The following GPC6 variants were observed in gnomAD, a reference collection of about 807,000 sequenced individuals.
The protein encoded by GPC6 is glypican 6.
Under a neutral mutation model 55.2 loss-of-function variants are expected in GPC6, and 14 were observed. That is an observed-to-expected ratio of 0.25 (90% CI 0.17 to 0.40). GPC6 has a LOEUF of 0.40. Ranked by LOEUF, GPC6 falls within the 10% of genes least tolerant of loss-of-function variation. The pLI is 1.00. For synonymous variants in GPC6, 278 were observed against 259.6 expected, an observed-to-expected ratio of 1.07 and a Z score of -0.68; for missense variants, 641 against 708.5, an observed-to-expected ratio of 0.90 and a Z score of 1.08.
intron 2 of GPC6, among the ~76,000 whole-genome samples, chr13:93,648,816 A>G: frequency 6.6e-6 from 1 of 152,202 alleles, no homozygotes; most frequent in East Asian, 1.9e-4. Context: ...AAATTAATGT[A>G]GTGACATCAC....
chr13:94,017,945 A>G (rs965469762), intron 3 of GPC6, among the ~76,000 whole-genome samples: 25 of 152,154 alleles, frequency 1.6e-4, no homozygotes, highest in African/African-American at 5.5e-4. Flanking sequence ...CAAAGTGGCT[A>G]CAATTTTCAA....
chr13:93,416,318 G>A (rs4773746), intron 1 of GPC6, among the ~76,000 whole-genome samples: 20,926 of 152,070 alleles, frequency 0.14, 2,102 homozygotes, highest in East Asian at 0.47. Flanking sequence ...AGAGCTGGTA[G>A]AGCTTTACTT....
chr13:93,743,249 A>C (rs1036441208), intron 2 of GPC6, among the ~76,000 whole-genome samples: 7 of 152,194 alleles, frequency 4.6e-5, no homozygotes, highest in Non-Finnish European at 1.5e-5. Flanking sequence ...ATCACAGACC[A>C]TGGGGTAGAG....
At chr13:93,561,399 C>T (rs900792792) in intron 2 of GPC6, among the ~76,000 whole-genome samples, 1 of 67,012 alleles carries the variant, frequency 1.5e-5, no homozygotes, top group African/African-American at 7.6e-5. Context: ...TACTATATCC[C>T]TATCGATATA....
intron 6 of GPC6, among the ~76,000 whole-genome samples, chr13:94,351,979 A>AAAAAAG (rs1878570131): frequency 7.0e-6 from 1 of 142,862 alleles, no homozygotes; most frequent in African/African-American, 2.7e-5. Flanking sequence ...AAAAAAAAAA[A>AAAAAAG]AAAGAAAAAG....
intron 1 of GPC6, among the ~76,000 whole-genome samples, chr13:93,471,055 C>T (rs1046753926): frequency 3.9e-5 from 6 of 151,994 alleles, no homozygotes; most frequent in African/African-American, 1.2e-4. Context: ...TTTTAAAAAT[C>T]AGTTTTTGTT....
rs142454800 is a variant in GPC6, at chr13:93,415,276, A to G, written c.161-129987A>G. On this transcript the variant is annotated intron_variant, in intron 1 of 8. Coordinates refer to ENST00000377047, the MANE Select transcript of GPC6 (RefSeq NM_005708.5). The stretch of plus-strand genomic sequence containing the variant: ...AGTTCCTGGAACATAGGACATAAAT[A>G]TATATCCTATTCATATATATATAAC... Among the ~76,000 whole-genome samples the G allele has an allele frequency of 2.2e-3, 329 of 152,262 alleles. 1 individual carries two copies. Among genetic ancestry groups the G allele is most frequent in the African/African-American group, 7.2e-3 (298 of 41,564 alleles).
At chr13:93,693,461 C>CTGTGTGTGTGTGTGTGTG (rs35459356) in intron 2 of GPC6, among the ~76,000 whole-genome samples, 106 of 139,428 alleles carry the variant, frequency 7.6e-4, no homozygotes, top group African/African-American at 1.3e-3. Context: ...GTATGTATAT[C>CTGTGTGTGTGTGTGTGTG]TGTGTGTGTG....
At chr13:93,496,310 C>G (rs1046633072) in intron 1 of GPC6, among the ~76,000 whole-genome samples, 13 of 152,208 alleles carry the variant, frequency 8.5e-5, no homozygotes, top group African/African-American at 3.1e-4. Context: ...TCACCCCTTT[C>G]TTTGACTCGG....
chr13:94,070,206 C>A (rs567399048), intron 4 of GPC6, among the ~76,000 whole-genome samples: 6 of 151,622 alleles, frequency 4.0e-5, no homozygotes, highest in Non-Finnish European at 7.4e-5. Context: ...TAGGGAAACT[C>A]CAGTTTTTGA....
chr13:94,026,888 G>A (rs1486485820), intron 3 of GPC6, among the ~76,000 whole-genome samples: 3 of 152,142 alleles, frequency 2.0e-5, no homozygotes, highest in Non-Finnish European at 2.9e-5. Context: ...AGAATAGCAG[G>A]ATGAGAGTAA....
intron 4 of GPC6, among the ~76,000 whole-genome samples, chr13:94,113,294 C>T (rs1399594783): frequency 3.3e-5 from 5 of 152,040 alleles, no homozygotes; most frequent in Admixed American, 2.6e-4. Flanking sequence ...TTGTGAGCTG[C>T]TGAGTCTTGA....
At chr13:93,839,889 T>C (rs1035374386) in intron 3 of GPC6, among the ~76,000 whole-genome samples, 2 of 152,212 alleles carry the variant, frequency 1.3e-5, no homozygotes, top group Non-Finnish European at 2.9e-5. Context: ...TTAAGGATTT[T>C]AGCATCTATA....
chr13:93,666,254 C>G (rs1042598660), intron 2 of GPC6, among the ~76,000 whole-genome samples: 1 of 151,986 alleles, frequency 6.6e-6, no homozygotes, highest in African/African-American at 2.4e-5. Flanking sequence ...CCTAAAGATT[C>G]TTGCCACAAA....
At chr13:94,312,879 G>A (rs562692139) in intron 6 of GPC6, among the ~76,000 whole-genome samples, 22 of 152,312 alleles carry the variant, frequency 1.4e-4, no homozygotes, top group East Asian at 3.9e-4. Flanking sequence ...AGCCTCCGCT[G>A]CAGCTGAATA....
At chr13:93,758,448 G>A (rs1041185943) in intron 2 of GPC6, among the ~76,000 whole-genome samples, 1 of 151,952 alleles carries the variant, frequency 6.6e-6, no homozygotes, top group African/African-American at 2.4e-5. Flanking sequence ...CTCTGTCTCT[G>A]GGATATCTAT....
intron 3 of GPC6, among the ~76,000 whole-genome samples, chr13:93,867,043 G>A (rs1888986013): frequency 6.6e-6 from 1 of 151,570 alleles, no homozygotes; most frequent in Non-Finnish European, 1.5e-5. Context: ...GCTTGTCCAG[G>A]GTTAGTGGTT....
intron 1 of GPC6, among the ~76,000 whole-genome samples, chr13:93,315,544 AT>A (rs1238482324): frequency 4.6e-5 from 7 of 151,978 alleles, no homozygotes; most frequent in South Asian, 4.2e-4. Context: ...ATGATTAACT[AT>A]TTTTTTGACT....
At chr13:93,568,332 T>G (rs1876238661) in intron 2 of GPC6, among the ~76,000 whole-genome samples, 1 of 152,184 alleles carries the variant, frequency 6.6e-6, no homozygotes, top group African/African-American at 2.4e-5. Context: ...ATTGTTATGT[T>G]CAGGCATGCT....
Sources: gnomAD v4.1 joint callset for allele counts (sites outside exome capture counted in the v4.1 genomes callset) on GRCh38, gnomAD v4.1.1 for gene constraint, MANE v1.5 for transcripts, NCBI Gene and HGNC (gene_info 2026-07-23, HGNC 2026-07-21) for gene names.